The following ZNF385D variants were observed in gnomAD, a reference collection of about 807,000 sequenced individuals.
ZNF385D encodes the protein zinc finger protein 385D.
In ZNF385D, 15 loss-of-function variants were observed where a neutral mutation model predicts 35.8. That is an observed-to-expected ratio of 0.42 (90% CI 0.28 to 0.64). The LOEUF (loss-of-function observed/expected upper bound fraction) is 0.64, where lower values mean the gene tolerates loss of function less well. Among genes scored for constraint, ZNF385D ranks in the 30% least tolerant of loss-of-function variants. The pLI is 0.23. For missense variants in ZNF385D, 474 were observed against 494.6 expected (o/e 0.96, Z 0.39); for synonymous variants, 212 against 186.8 (o/e 1.13, Z -1.10).
At chr3:22,114,860 T>TC (rs1702728688) in intron 3 of ZNF385D, among the ~76,000 whole-genome samples, 1 of 152,028 alleles carries the variant, frequency 6.6e-6, no homozygotes, top group African/African-American at 2.4e-5. Context: ...GATTAAGACA[T>TC]TCATAAAAGA....
chr3:21,875,176 T>C (rs1697897181), intron 3 of ZNF385D, among the ~76,000 whole-genome samples: 1 of 152,148 alleles, frequency 6.6e-6, no homozygotes, highest in African/African-American at 2.4e-5. Flanking sequence ...TTTCTACATA[T>C]TAGACCATGT....
chr3:22,050,503 T>C (rs1009627939), intron 3 of ZNF385D, among the ~76,000 whole-genome samples: 25 of 152,242 alleles, frequency 1.6e-4, no homozygotes, highest in African/African-American at 6.0e-4. Context: ...TGTTTCATTA[T>C]TGATTTAATT....
intron 3 of ZNF385D, among the ~76,000 whole-genome samples, chr3:22,137,723 G>A (rs2125697584): frequency 6.6e-6 from 1 of 152,244 alleles, no homozygotes; most frequent in East Asian, 1.9e-4. Flanking sequence ...ATACTGAATG[G>A]ACAAAAACTG....
chr3:22,172,859 G>C (rs577482695), intron 2 of ZNF385D, among the ~76,000 whole-genome samples: 1 of 152,042 alleles, frequency 6.6e-6, no homozygotes, highest in Admixed American at 6.5e-5. Flanking sequence ...ATTCAAAGCG[G>C]GATAGGGCAC....
At chr3:21,628,025 A>T (rs1438559909) in intron 2 of ZNF385D, among the ~76,000 whole-genome samples, 1 of 152,142 alleles carries the variant, frequency 6.6e-6, no homozygotes, top group African/African-American at 2.4e-5. Context: ...TGCAAGACAA[A>T]ATTGAGCAAT....
At chr3:22,143,059 TTG>T (rs57448532) in intron 3 of ZNF385D, among the ~76,000 whole-genome samples, 3,628 of 140,882 alleles carry the variant, frequency 0.026, 73 homozygotes, top group African/African-American at 0.047. Flanking sequence ...ATTAAATCGG[TTG>T]TGTGTGTGTG....
chr3:21,608,026 T>G (rs1221646330), intron 2 of ZNF385D, among the ~76,000 whole-genome samples: 7 of 144,312 alleles, frequency 4.9e-5, no homozygotes, highest in Non-Finnish European at 7.5e-5. Context: ...TTTTTTTGTT[T>G]TTTTTTTTTG....
At position 21,562,205 on chromosome 3, in the gene ZNF385D, A is replaced by G. The variant is rs562856261; in HGVS notation, c.276+2369T>C. Reference sequence around the variant, plus strand: ...CAAAATAAATTGCTACTCTCTCACCATGGAAATGAAATAAGAATACATTTT... The same window carrying G: ...CAAAATAAATTGCTACTCTCTCACCGTGGAAATGAAATAAGAATACATTTT... On this transcript the variant is annotated intron_variant, in intron 3 of 7. Transcript: ENST00000281523. 7.2e-4 allele frequency: 109 copies of G among 152,318 alleles called. 1 individual carries two copies. The highest frequency in any genetic ancestry group is 2.6e-3 in the African/African-American group (107 of 41,564). The allele number at this position is 152,318 out of a possible 1,614,324, so 9.4% of individuals were successfully genotyped here.
At chr3:21,815,531 A>G (rs1027000121) in intron 3 of ZNF385D, among the ~76,000 whole-genome samples, 1 of 152,232 alleles carries the variant, frequency 6.6e-6, no homozygotes, top group African/African-American at 2.4e-5. Flanking sequence ...ACAAACTACC[A>G]TCAGAGAATA....
intron 2 of ZNF385D, among the ~76,000 whole-genome samples, chr3:22,196,015 T>C (rs1377785220): frequency 6.6e-6 from 1 of 151,646 alleles, no homozygotes; most frequent in Non-Finnish European, 1.5e-5. Context: ...CACATTGGGG[T>C]CTTTTCGAGG....
intron 3 of ZNF385D, among the ~76,000 whole-genome samples, chr3:22,028,039 G>T (rs566474571): frequency 1.3e-5 from 2 of 152,250 alleles, no homozygotes; most frequent in African/African-American, 4.8e-5. Context: ...TGCATGTAAG[G>T]AGAAATGGTC....
At chr3:21,939,994 T>C (rs747058755) in intron 3 of ZNF385D, among the ~76,000 whole-genome samples, 73 of 152,302 alleles carry the variant, frequency 4.8e-4, no homozygotes, top group Non-Finnish European at 9.3e-4. Flanking sequence ...GACTAACCAG[T>C]GAGGAAGGAA....
chr3:22,070,759 G>A (rs924490565), intron 3 of ZNF385D, among the ~76,000 whole-genome samples: 4 of 152,110 alleles, frequency 2.6e-5, no homozygotes, highest in Admixed American at 6.6e-5. Flanking sequence ...AGTTGTGAAA[G>A]TAAGTCATGA....
chr3:22,117,007 A>C (rs1159956977), intron 3 of ZNF385D, among the ~76,000 whole-genome samples: 1 of 152,026 alleles, frequency 6.6e-6, no homozygotes, highest in Non-Finnish European at 1.5e-5. Context: ...ATAGCTTAGG[A>C]AAGTTAAATA....
Position 22,172,511 on chromosome 3 carries a change from T to G in ZNF385D, c.107-3476A>C, listed in dbSNP as rs192286486. On this transcript the variant is annotated intron_variant, in intron 2 of 5. Transcript: ENST00000494108. ...CACTGTTCTGACGTAAGCTGAAATG[T>G]CACCACCTTTGCCAAAGGACCAGCT... Among the ~76,000 whole-genome samples, 359 of 152,344 alleles carry G rather than the reference T, an allele frequency of 2.4e-3. 5 individuals are homozygous for G. The highest frequency in any genetic ancestry group is 1.8e-4 in the Non-Finnish European group (12 of 68,030).
At chr3:21,907,996 C>T (rs1405234573) in intron 3 of ZNF385D, among the ~76,000 whole-genome samples, 1 of 151,986 alleles carries the variant, frequency 6.6e-6, no homozygotes, top group East Asian at 1.9e-4. Flanking sequence ...AAGGCTGAAA[C>T]ATTTAAAGAA....
At chr3:21,602,829 G>A (rs112805238) in intron 2 of ZNF385D, among the ~76,000 whole-genome samples, 1,609 of 152,008 alleles carry the variant, frequency 0.011, 25 homozygotes, top group African/African-American at 0.037. Flanking sequence ...CACCGCGCCC[G>A]GCCTCCCTGC....
intron 3 of ZNF385D, among the ~76,000 whole-genome samples, chr3:21,952,508 G>A (rs1214440037): frequency 6.6e-6 from 1 of 151,862 alleles, no homozygotes; most frequent in Non-Finnish European, 1.5e-5. Context: ...AGGTCAAATG[G>A]CCTGGGTTTA....
intron 2 of ZNF385D, among the ~76,000 whole-genome samples, chr3:21,658,539 A>G (rs73138830): frequency 0.032 from 4,905 of 151,962 alleles, 266 homozygotes; most frequent in African/African-American, 0.11. Context: ...ATTATCTGTT[A>G]TGTGTTTTTC....
Sources: gnomAD v4.1 joint callset for allele counts (sites outside exome capture counted in the v4.1 genomes callset) on GRCh38, gnomAD v4.1.1 for gene constraint, MANE v1.5 for transcripts, NCBI Gene and HGNC (gene_info 2026-07-23, HGNC 2026-07-21) for gene names.